Variants in SV2B observed in about 807,000 individuals in gnomAD.
SV2B encodes the protein solute carrier family 22 member B2.
Under a neutral mutation model 73.9 loss-of-function variants are expected in SV2B, and 41 were observed. That is an observed-to-expected ratio of 0.56 (90% CI 0.43 to 0.72). SV2B has a LOEUF of 0.72. Among genes scored for constraint, SV2B ranks in the 30% least tolerant of loss-of-function variants. The pLI is 0.00. For synonymous variants in SV2B, 314 were observed against 314.2 expected (o/e 1.00, Z 0.01); for missense variants, 764 against 857.8 (o/e 0.89, Z 1.37).
chr15:91,287,658 C>T (rs926956409), intron 11 of SV2B, among the ~76,000 whole-genome samples: 1 of 152,204 alleles, frequency 6.6e-6, no homozygotes, highest in East Asian at 1.9e-4. Flanking sequence ...CTGGACTTCT[C>T]CGCCCTGCTG....
At chr15:91,120,491 G>T (rs2042302313) in intron 1 of SV2B, among the ~76,000 whole-genome samples, 1 of 152,070 alleles carries the variant, frequency 6.6e-6, no homozygotes, top group Non-Finnish European at 1.5e-5. Flanking sequence ...ATATTACTTT[G>T]TCTCTTAAAA....
chr15:91,230,519 T>C (rs1296299249), intron 2 of SV2B, among the ~76,000 whole-genome samples: 1 of 152,222 alleles, frequency 6.6e-6, no homozygotes, highest in Non-Finnish European at 1.5e-5. Flanking sequence ...GAATGTTTGC[T>C]TCTCTTGAGC....
At chr15:91,279,890 T>G (rs2048629524) in intron 9 of SV2B, among the ~76,000 whole-genome samples, 1 of 152,206 alleles carries the variant, frequency 6.6e-6, no homozygotes, top group Admixed American at 6.5e-5. Context: ...CCCATGGAAA[T>G]CTGAAGAATT....
intron 6 of SV2B, among the ~76,000 whole-genome samples, chr15:91,262,387 C>T (rs1011690084): frequency 2.0e-5 from 3 of 152,062 alleles, no homozygotes; most frequent in Middle Eastern, 3.2e-3. Flanking sequence ...ATGGAAAATT[C>T]CTCAATGGGA....
At chr15:91,138,248 GCA>G (rs1378086447) in intron 1 of SV2B, among the ~76,000 whole-genome samples, 1 of 152,206 alleles carries the variant, frequency 6.6e-6, no homozygotes, top group Non-Finnish European at 1.5e-5. Flanking sequence ...TTCTGTATCT[GCA>G]CAGTCTAACG....
chr15:91,171,078 T>C (rs2044105180), intron 1 of SV2B, among the ~76,000 whole-genome samples: 1 of 152,164 alleles, frequency 6.6e-6, no homozygotes, highest in African/African-American at 2.4e-5. Context: ...AGCTGGTTAG[T>C]GGCAAAACCA....
chr15:91,158,705 T>TCTCCA (rs2043594350), intron 1 of SV2B, among the ~76,000 whole-genome samples: 1 of 85,626 alleles, frequency 1.2e-5, no homozygotes, highest in African/African-American at 4.7e-5. Context: ...TCTTCTCTCC[T>TCTCCA]CTCCTCTCCT....
chr15:91,142,371 A>G (rs1260382306), intron 1 of SV2B, among the ~76,000 whole-genome samples: 1 of 152,178 alleles, frequency 6.6e-6, no homozygotes, highest in East Asian at 1.9e-4. Flanking sequence ...AACAAAGAGA[A>G]CAACTTCCTG....
chr15:91,176,474 C>T (rs545947144), intron 1 of SV2B, among the ~76,000 whole-genome samples: 1 of 152,202 alleles, frequency 6.6e-6, no homozygotes, highest in East Asian at 1.9e-4. Flanking sequence ...ACACTGACTT[C>T]CACAAGGGTT....
At chr15:91,263,110 A>T (rs2047969940) in intron 6 of SV2B, among the ~76,000 whole-genome samples, 1 of 152,198 alleles carries the variant, frequency 6.6e-6, no homozygotes, top group South Asian at 2.1e-4. Context: ...ACACATAGAC[A>T]TAGGCACACA....
intron 1 of SV2B, among the ~76,000 whole-genome samples, chr15:91,170,999 C>T (rs535488933): frequency 6.5e-4 from 99 of 152,270 alleles, no homozygotes; most frequent in Admixed American, 1.4e-3. Flanking sequence ...TTTAAGTCTT[C>T]GCAGCAGCTC....
chr15:91,235,327 C>G (rs1050203518), intron 2 of SV2B, among the ~76,000 whole-genome samples: 16 of 152,154 alleles, frequency 1.1e-4, no homozygotes, highest in African/African-American at 2.9e-4. Flanking sequence ...AGATTTACAT[C>G]TTTACACAGT....
At chr15:91,272,221 G>T (rs1264629588) in intron 9 of SV2B, among the ~76,000 whole-genome samples, 1 of 152,178 alleles carries the variant, frequency 6.6e-6, no homozygotes, top group East Asian at 1.9e-4. Flanking sequence ...AAAGGCAAAA[G>T]AATAAGTTCA....
rs1168979696 is a variant in SV2B at position 91,197,848 on chromosome 15, A to G, written c.-391-28025A>G. Among the ~76,000 whole-genome samples, 1 of 152,094 alleles carries G rather than the reference A, an allele frequency of 6.6e-6. No homozygotes were observed. The highest frequency in any genetic ancestry group is 6.5e-5 in the Admixed American group (1 of 15,284). On this transcript the variant is annotated intron_variant, in intron 1 of 12. Coordinates refer to ENST00000394232, the MANE Select transcript of SV2B (RefSeq NM_001323032.3). This position sits in a 1 kb window ranked among gnomAD's most constrained non-coding sequence, Gnocchi z 4.9. The stretch of plus-strand genomic sequence containing the variant: ...CAGGAGTTCCAGATCAGCTTGGCCA[A>G]CATGGTGAAAACCCATCTCTACAAA...
chr15:91,144,690 C>T (rs2043095382), intron 1 of SV2B, among the ~76,000 whole-genome samples: 2 of 152,202 alleles, frequency 1.3e-5, no homozygotes, highest in African/African-American at 4.8e-5. Context: ...CGGGACAGCT[C>T]TCAGAAGAGG....
intron 2 of SV2B, among the ~76,000 whole-genome samples, chr15:91,237,543 T>A (rs914468570): frequency 1.3e-5 from 2 of 152,074 alleles, no homozygotes; most frequent in Non-Finnish European, 2.9e-5. Context: ...AGCCAGAATG[T>A]CTATGGATGA....
At position 91,133,897 on chromosome 15, in the gene SV2B, C is replaced by T. The variant is rs140901704; in HGVS notation, c.-392+33534C>T. On this transcript the variant is annotated intron_variant, in intron 1 of 12. Transcript: ENST00000394232. Reference sequence around the variant, plus strand: ...GTTTTGCATACTTGGAGCTCGGAAACGTCCACATGCACATGAGGGCTTTTT... The same window carrying T: ...GTTTTGCATACTTGGAGCTCGGAAATGTCCACATGCACATGAGGGCTTTTT... Among the ~76,000 whole-genome samples, 606 of 152,092 alleles carry T rather than the reference C, an allele frequency of 4.0e-3. 2 individuals carry two copies. Among genetic ancestry groups the T allele is most frequent in the African/African-American group, 0.014 (580 of 41,472 alleles).
At chr15:91,165,462 A>G (rs2043880342) in intron 1 of SV2B, among the ~76,000 whole-genome samples, 1 of 152,216 alleles carries the variant, frequency 6.6e-6, no homozygotes, top group Admixed American at 6.5e-5. Flanking sequence ...ATTAGTTATT[A>G]TAAGTAATGC....
intron 1 of SV2B, among the ~76,000 whole-genome samples, chr15:91,149,280 T>C (rs774755403): frequency 1.3e-5 from 2 of 152,094 alleles, no homozygotes; most frequent in Non-Finnish European, 2.9e-5. Context: ...GGTTGCTCTT[T>C]AGTAGTAAGA....
Sources: gnomAD v4.1 joint callset for allele counts (sites outside exome capture counted in the v4.1 genomes callset) on GRCh38, gnomAD v4.1.1 for gene constraint, Gnocchi (gnomAD v3.1) non-coding constraint, MANE v1.5 for transcripts, NCBI Gene and HGNC (gene_info 2026-07-23, HGNC 2026-07-21) for gene names.